The following HIVEP3 variants were observed in gnomAD, a reference collection of about 807,000 sequenced individuals.
HIVEP3 encodes HIVEP zinc finger 3.
Under a neutral mutation model 152.8 loss-of-function variants are expected in HIVEP3, and 49 were observed. The ratio of observed to expected loss-of-function variants is 0.32; its 90% confidence interval spans 0.26 to 0.41. The LOEUF is 0.41. Among genes scored for constraint, HIVEP3 ranks in the 10% least tolerant of loss-of-function variants. The probability of loss-of-function intolerance (pLI) is 1.00; values close to 1 mark genes in which losing one functional copy is unlikely to be tolerated. For missense variants in HIVEP3, 2,790 were observed against 3,103.3 expected, an observed-to-expected ratio of 0.90 and a Z score of 2.40; for synonymous variants, 1,269 against 1,289.0, an observed-to-expected ratio of 0.98 and a Z score of 0.33.
intron 5 of HIVEP3, among the ~76,000 whole-genome samples, chr1:41,539,849 A>C (rs926098784): frequency 6.6e-6 from 1 of 152,262 alleles, no homozygotes. Flanking sequence ...ATCACATAAA[A>C]ATAAACAGCT....
chr1:41,743,045 CAA>C (rs1647019670), intron 1 of HIVEP3, among the ~76,000 whole-genome samples: 1 of 150,290 alleles, frequency 6.7e-6, no homozygotes, highest in Non-Finnish European at 1.5e-5. Flanking sequence ...TAATGGTGGG[CAA>C]TACCACATCA....
intron 5 of HIVEP3, among the ~76,000 whole-genome samples, chr1:41,541,769 C>T (rs906254296): frequency 1.3e-5 from 2 of 152,214 alleles, no homozygotes; most frequent in African/African-American, 4.8e-5. Flanking sequence ...CCTCTCTGTG[C>T]CTCAGTTTCT....
At chr1:41,604,592 C>T (rs1306752009) in intron 3 of HIVEP3, among the ~76,000 whole-genome samples, 3 of 152,132 alleles carry the variant, frequency 2.0e-5, no homozygotes, top group South Asian at 2.1e-4. Context: ...GCCCTGGTAC[C>T]TCTCACCATG....
At chr1:41,520,494 G>A (rs1382835580) in intron 6 of HIVEP3, among the ~76,000 whole-genome samples, 1 of 152,200 alleles carries the variant, frequency 6.6e-6, no homozygotes, top group Non-Finnish European at 1.5e-5. Context: ...AGAAGGCAAA[G>A]CCAGAGTAGG....
At chr1:41,680,639 G>A (rs541183951) in intron 2 of HIVEP3, among the ~76,000 whole-genome samples, 1 of 152,338 alleles carries the variant, frequency 6.6e-6, no homozygotes, top group Admixed American at 6.5e-5. Flanking sequence ...TTCTCATGCT[G>A]GCATCCCAAA....
chr1:41,692,139 C>T (rs968884121), intron 2 of HIVEP3, among the ~76,000 whole-genome samples: 6 of 152,154 alleles, frequency 3.9e-5, no homozygotes, highest in African/African-American at 1.4e-4. Context: ...CCACTGCGCC[C>T]AGTGTGGTGA....
Position 41,581,858 on chromosome 1 carries a change from G to A in HIVEP3, c.2940C>T (p.Ser980=). The change falls in exon 4 of 9, where the codon AGC becomes AGT. Residue 980 remains serine, a synonymous_variant. Transcript: ENST00000372583. This position sits in a 1 kb window ranked among gnomAD's most constrained non-coding sequence, Gnocchi z 4.5. The part of the protein sequence containing the change: ...PLGTHMLTVP[S]HHPHAREMRR... Reference sequence around the variant, plus strand: ...GCATCTCTCGGGCATGTGGGTGGTGGCTGGGGACAGTCAACATGTGGGTGC... The same window carrying A: ...GCATCTCTCGGGCATGTGGGTGGTGACTGGGGACAGTCAACATGTGGGTGC... 1.2e-6 allele frequency: 2 copies of A among 1,606,032 alleles called. No homozygotes were observed. The highest frequency in any genetic ancestry group is 8.5e-7 in the Non-Finnish European group (1 of 1,175,174).
intron 2 of HIVEP3, among the ~76,000 whole-genome samples, chr1:41,668,409 C>A (rs181846149): frequency 6.6e-6 from 1 of 152,206 alleles, no homozygotes; most frequent in Non-Finnish European, 1.5e-5. Flanking sequence ...AGTGGCCTCA[C>A]CCCATCCCTG....
At chr1:41,597,081 C>T (rs1011587742) in intron 3 of HIVEP3, among the ~76,000 whole-genome samples, 17 of 152,068 alleles carry the variant, frequency 1.1e-4, no homozygotes, top group African/African-American at 2.9e-4. Flanking sequence ...CCTTCTCCTC[C>T]TCCCTCCCAA....
At chr1:41,644,563 A>G (rs1471822411) in intron 2 of HIVEP3, among the ~76,000 whole-genome samples, 1 of 152,188 alleles carries the variant, frequency 6.6e-6, no homozygotes, top group Non-Finnish European at 1.5e-5. Context: ...TGCTCCTGAA[A>G]GCCAGGATGG....
At chr1:41,932,543 T>C (rs1337502454) in intron 1 of HIVEP3, among the ~76,000 whole-genome samples, 1 of 151,946 alleles carries the variant, frequency 6.6e-6, no homozygotes, top group African/African-American at 2.4e-5. Flanking sequence ...TCATTTCTGA[T>C]ATTGATAATT....
chr1:41,884,687 A>G (rs1644315759), intron 1 of HIVEP3, among the ~76,000 whole-genome samples: 1 of 152,258 alleles, frequency 6.6e-6, no homozygotes, highest in Admixed American at 6.5e-5. Context: ...TGAGGAAAGC[A>G]GAGCTGAGAG....
intron 1 of HIVEP3, among the ~76,000 whole-genome samples, chr1:41,989,377 A>C (rs778352385): frequency 1.5e-4 from 23 of 152,228 alleles, no homozygotes; most frequent in Non-Finnish European, 2.5e-4. Flanking sequence ...TAAAAAATTA[A>C]AATCTACAAA....
At chr1:41,718,524 T>C (rs1032656421) in intron 1 of HIVEP3, among the ~76,000 whole-genome samples, 10 of 152,208 alleles carry the variant, frequency 6.6e-5, no homozygotes, top group African/African-American at 2.4e-4. Flanking sequence ...TATGAAGTGT[T>C]AGATGACAGA....
rs548117059 is a variant in HIVEP3 at position 41,976,190 on chromosome 1, C to T, written n.120-57666G>A. On this transcript the variant is annotated intron_variant and non_coding_transcript_variant, in intron 1 of 3. Transcript: ENST00000489103. ...ATTCCACGTGTGACTTGAAAGTTTA[C>T]CACCACTCTTGCCGTACCTTTCATC... Among the ~76,000 whole-genome samples the T allele has an allele frequency of 2.0e-5, 3 of 152,320 alleles. No homozygotes were observed. In the South Asian group the frequency reaches 6.2e-4, roughly 32 times the overall value.
At chr1:41,750,037 C>T (rs74789994) in intron 1 of HIVEP3, among the ~76,000 whole-genome samples, 6,976 of 152,266 alleles carry the variant, frequency 0.046, 237 homozygotes, top group Middle Eastern at 0.065. Context: ...TGCTCTGGTT[C>T]TGTAATCCTT....
At chr1:41,540,352 C>T (rs949382498) in intron 5 of HIVEP3, among the ~76,000 whole-genome samples, 7 of 152,300 alleles carry the variant, frequency 4.6e-5, no homozygotes, top group Admixed American at 6.5e-5. Context: ...CCATGAAGGC[C>T]GTGAAACAGT....
intron 2 of HIVEP3, among the ~76,000 whole-genome samples, chr1:41,683,986 A>T (rs1646078507): frequency 6.6e-6 from 1 of 152,138 alleles, no homozygotes; most frequent in South Asian, 2.1e-4. Context: ...TCAGTTCCTA[A>T]TTGGTTAGCA....
At chr1:41,721,850 C>T (rs978439840) in intron 1 of HIVEP3, among the ~76,000 whole-genome samples, 2 of 152,146 alleles carry the variant, frequency 1.3e-5, no homozygotes, top group African/African-American at 4.8e-5. Flanking sequence ...TGCTGTCCAT[C>T]GGTGCACAGA....
Sources: allele counts gnomAD v4.1 joint callset (sites outside exome capture counted in the v4.1 genomes callset), GRCh38; gene constraint gnomAD v4.1.1; non-coding constraint Gnocchi (gnomAD v3.1); transcripts MANE v1.5; gene names NCBI Gene and HGNC (gene_info 2026-07-23, HGNC 2026-07-21).